The following CLASP2 variants were observed in gnomAD, a reference collection of about 807,000 sequenced individuals.
The protein encoded by CLASP2 is cytoplasmic linker associated protein 2, also known as CLIP-associating protein 2.
Under a neutral mutation model 194.4 loss-of-function variants are expected in CLASP2, and 47 were observed. That is an observed-to-expected ratio of 0.24 (90% confidence interval 0.19 to 0.31). The LOEUF (loss-of-function observed/expected upper bound fraction) is 0.31, where lower values mean the gene tolerates loss of function less well. CLASP2 is among the 10% of genes least tolerant of loss of function. The pLI is 1.00. For missense variants in CLASP2, 1,445 were observed against 1,823.6 expected (o/e 0.79, Z 3.78); for synonymous variants, 619 against 633.5 (o/e 0.98, Z 0.34).
intron 32 of CLASP2, among the ~76,000 whole-genome samples, chr3:33,543,102 G>T (rs2058629810): frequency 1.3e-5 from 2 of 152,128 alleles, no homozygotes; most frequent in African/African-American, 4.8e-5. Context: ...GCCAAGGGTG[G>T]TACCTCACGC....
At chr3:33,672,006 T>C (rs2087355516) in intron 6 of CLASP2, among the ~76,000 whole-genome samples, 1 of 152,212 alleles carries the variant, frequency 6.6e-6, no homozygotes, top group South Asian at 2.1e-4. Context: ...GCTCCACCTC[T>C]GGGGGCAGGG....
intron 16 of CLASP2, among the ~76,000 whole-genome samples, 180 bp from the exon 17 acceptor site, chr3:33,604,389 C>G (rs549097455): frequency 6.6e-6 from 1 of 151,310 alleles, no homozygotes; most frequent in South Asian, 2.1e-4. Flanking sequence ...ATAATCATGG[C>G]TCACTGCAGT....
At chr3:33,514,299 T>A (rs910903731) in intron 36 of CLASP2, among the ~76,000 whole-genome samples, 7 of 152,104 alleles carry the variant, frequency 4.6e-5, no homozygotes, top group African/African-American at 1.4e-4. Context: ...TTTTTTTTTT[T>A]AAATGTTACC....
intron 9 of CLASP2, among the ~76,000 whole-genome samples, chr3:33,631,024 T>C (rs1374054215): frequency 3.3e-5 from 5 of 152,156 alleles, no homozygotes; most frequent in Non-Finnish European, 5.9e-5. Context: ...TCAGAAAACT[T>C]TTTAAGGCTT....
intron 34 of CLASP2, among the ~76,000 whole-genome samples, chr3:33,517,880 C>T (rs1056364018): frequency 7.2e-5 from 11 of 152,178 alleles, no homozygotes; most frequent in African/African-American, 2.7e-4. Context: ...TCTGGAACTC[C>T]TGGGCTCAAG....
At chr3:33,690,051 AATTGT>A in intron 2 of CLASP2, 119 bp from the exon 3 acceptor site, 3 of 604,902 alleles carry the variant, frequency 5.0e-6, no homozygotes, top group Non-Finnish European at 5.2e-6. Flanking sequence ...GAGGTAAAGA[AATTGT>A]TTTAAGTTCT....
intron 34 of CLASP2, among the ~76,000 whole-genome samples, chr3:33,525,840 C>T (rs1308404522): frequency 6.6e-6 from 1 of 152,242 alleles, no homozygotes; most frequent in Non-Finnish European, 1.5e-5. Flanking sequence ...CCCACTTCCA[C>T]AGCACCTCAC....
chr3:33,515,317 T>G (rs1039489065), intron 36 of CLASP2, among the ~76,000 whole-genome samples: 3 of 152,278 alleles, frequency 2.0e-5, no homozygotes, highest in African/African-American at 7.2e-5. Context: ...GGGAGAGAGA[T>G]ATCATGGCTA....
intron 7 of CLASP2, chr3:33,659,052 C>T (rs1326033489): frequency 3.9e-6 from 6 of 1,531,658 alleles, no homozygotes; most frequent in Non-Finnish European, 5.2e-6. Context: ...AAGTACAGCT[C>T]AGTGCCTGCG....
chr3:33,667,406 C>CAAAA lies in CLASP2; in HGVS notation c.645-3895_645-3892dup, dbSNP rs537846651. 3.0e-3 allele frequency among the ~76,000 whole-genome samples: 131 copies of CAAAA among 44,108 alleles called. 16 individuals carry two copies. The highest frequency in any genetic ancestry group is 0.012 in the African/African-American group (115 of 9,290). The allele number at this position is 44,108 out of a possible 152,430, so 28.9% of individuals were successfully genotyped here. On this transcript the variant is annotated intron_variant, in intron 6 of 38. Coordinates refer to ENST00000682230, the MANE Select transcript of CLASP2 (RefSeq NM_001365631.1). Reference sequence around the variant, plus strand: ...CCTGGGTGACAGAGTGAGACTATCTCAAAAAAAAAAAAAAAAAAAAAAGAC... The same window carrying CAAAA: ...CCTGGGTGACAGAGTGAGACTATCTCAAAAAAAAAAAAAAAAAAAAAAAAAAGAC...
At chr3:33,551,482 G>T in intron 29 of CLASP2, 87 bp from the exon 30 acceptor site, 1 of 1,349,714 alleles carries the variant, frequency 7.4e-7, no homozygotes. Context: ...AGGTGATGAT[G>T]ATGATTTTTT....
intron 28 of CLASP2, 149 bp downstream of exon 28, chr3:33,560,659 A>G: frequency 4.6e-6 from 3 of 655,184 alleles, no homozygotes; most frequent in Non-Finnish European, 5.2e-6. Flanking sequence ...TTAAATATAC[A>G]ATATGAATGG....
At chr3:33,510,823 G>T in intron 36 of CLASP2, 59 bp from the exon 37 acceptor site, 1 of 1,398,640 alleles carries the variant, frequency 7.1e-7, no homozygotes, top group Non-Finnish European at 9.8e-7. Context: ...ACTACATCCT[G>T]GAAGTATAAA....
Position 33,602,346 on chromosome 3 carries a change from T to C in CLASP2, c.1924+606A>G, listed in dbSNP as rs939741885. 6 of 554,036 alleles carry C rather than the reference T, an allele frequency of 1.1e-5. No individual in the cohort carries two copies. In the Admixed American group the frequency reaches 1.6e-4, roughly 15 times the overall value. The allele number at this position is 554,036 out of a possible 1,614,324, so 34.3% of individuals were successfully genotyped here. On this transcript the variant is annotated intron_variant, in intron 18 of 38. Coordinates refer to ENST00000682230, the MANE Select transcript of CLASP2 (RefSeq NM_001365631.1). Reference sequence around the variant, plus strand: ...GCATTTCAGATTTCAGATTTTTAGATTAGGTATGCTCAACCTGTATTGTGT... The same window carrying C: ...GCATTTCAGATTTCAGATTTTTAGACTAGGTATGCTCAACCTGTATTGTGT...
rs958498681 is a variant in CLASP2, at chr3:33,718,092, G to C, written c.-90C>G. 1.5e-6 allele frequency: 2 copies of C among 1,347,222 alleles called. No individual in the cohort carries two copies. Among genetic ancestry groups the C allele is most frequent in the South Asian group, 1.6e-5 (1 of 63,556 alleles). The allele number at this position is 1,347,222 out of a possible 1,614,324, so 83.5% of individuals were successfully genotyped here. A position where few individuals can be genotyped will look rare whatever the true frequency, so the allele number is the denominator to read the frequency against. The stretch of plus-strand genomic sequence containing the variant: ...CTCCAGTGCGGGTCCCCGCGGGAGC[G>C]GGCGGGACTCACTTAGCCCGCCAGG... On this transcript the variant is annotated 5_prime_UTR_variant, in exon 1 of 39. Transcript: ENST00000682230.
intron 1 of CLASP2, among the ~76,000 whole-genome samples, chr3:33,710,621 T>C (rs879475410): frequency 5.9e-5 from 9 of 152,174 alleles, no homozygotes; most frequent in East Asian, 5.8e-4. Context: ...GCATTTATGA[T>C]ACTCTCTAAC....
At chr3:33,612,934 A>G (rs1402854936) in intron 12 of CLASP2, among the ~76,000 whole-genome samples, 1 of 152,200 alleles carries the variant, frequency 6.6e-6, no homozygotes, top group African/African-American at 2.4e-5. Context: ...TAATAGGTAT[A>G]GAGTTAGAAC....
At chr3:33,603,169 T>A in intron 17 of CLASP2, 44 bp from the exon 18 acceptor site, 9 of 1,479,194 alleles carry the variant, frequency 6.1e-6, no homozygotes, top group Non-Finnish European at 7.2e-6. Context: ...TTTAAATCAC[T>A]GAAAACATGA....
At chr3:33,592,575 T>C (rs2069053248) in intron 20 of CLASP2, 79 bp from the exon 21 acceptor site, 5 of 1,162,856 alleles carry the variant, frequency 4.3e-6, no homozygotes, top group East Asian at 5.1e-5. Context: ...AATCTCACTA[T>C]TTTTAGGTAC....
Sources: gnomAD v4.1 joint callset for allele counts (sites outside exome capture counted in the v4.1 genomes callset) on GRCh38, gnomAD v4.1.1 for gene constraint, MANE v1.5 for transcripts, NCBI Gene and HGNC (gene_info 2026-07-23, HGNC 2026-07-21) for gene names.